The following AGBL4 variants were observed in gnomAD, a reference collection of about 807,000 sequenced individuals.
AGBL4 encodes cytosolic carboxypeptidase 6.
A neutral mutation model predicts 66.4 loss-of-function variants in AGBL4; 58 were observed. The ratio of observed to expected loss-of-function variants is 0.87; its 90% CI spans 0.71 to 1.09. The LOEUF (loss-of-function observed/expected upper bound fraction) is 1.09, where lower values mean the gene tolerates loss of function less well. Among genes scored for constraint, AGBL4 ranks in the 50% least tolerant of loss-of-function variants. AGBL4 has a pLI of 0.00. For missense variants in AGBL4, 579 were observed against 631.0 expected (o/e 0.92, Z 0.88); for synonymous variants, 234 against 222.9 (o/e 1.05, Z -0.44).
chr1:48,931,084 C>T (rs1357551544), intron 5 of AGBL4, among the ~76,000 whole-genome samples: 1 of 152,140 alleles, frequency 6.6e-6, no homozygotes, highest in Non-Finnish European at 1.5e-5. Context: ...AACTTAAGTG[C>T]CATCTCAATG....
chr1:49,237,650 C>T (rs1650893763), intron 4 of AGBL4, among the ~76,000 whole-genome samples: 1 of 149,302 alleles, frequency 6.7e-6, no homozygotes, highest in Non-Finnish European at 1.5e-5. Flanking sequence ...ATTTTAAGTC[C>T]CTTTACCTTT....
intron 4 of AGBL4, among the ~76,000 whole-genome samples, chr1:49,120,125 C>G (rs1219624389): frequency 6.6e-6 from 1 of 151,792 alleles, no homozygotes; most frequent in Non-Finnish European, 1.5e-5. Context: ...GGTCTTGACT[C>G]TATCCAATTT....
intron 4 of AGBL4, among the ~76,000 whole-genome samples, chr1:49,243,316 G>T (rs1651384882): frequency 6.6e-6 from 1 of 151,674 alleles, no homozygotes. Flanking sequence ...TTTCAGGTTT[G>T]AGTTAGGTCA....
At chr1:48,816,590 T>G in intron 6 of AGBL4, among the ~76,000 whole-genome samples, 1 of 152,136 alleles carries the variant, frequency 6.6e-6, no homozygotes, top group East Asian at 1.9e-4. Flanking sequence ...AACCCTCAGG[T>G]TTAAGGGTCA....
At chr1:48,564,767 C>T (rs1644449435) in intron 11 of AGBL4, among the ~76,000 whole-genome samples, 1 of 152,172 alleles carries the variant, frequency 6.6e-6, no homozygotes, top group South Asian at 2.1e-4. Context: ...CTCAACCAAC[C>T]AACCAACCAA....
chr1:49,864,614 T>C (rs1474140939), intron 1 of AGBL4, among the ~76,000 whole-genome samples: 2 of 152,118 alleles, frequency 1.3e-5, no homozygotes, highest in Non-Finnish European at 2.9e-5. Flanking sequence ...CAGGGAGTGG[T>C]TGTGCTACCC....
chr1:49,379,442 G>T (rs962194125), intron 3 of AGBL4, among the ~76,000 whole-genome samples: 11 of 152,160 alleles, frequency 7.2e-5, no homozygotes, highest in Non-Finnish European at 1.0e-4. Context: ...TAACACTGCT[G>T]CATCTTTCTT....
intron 3 of AGBL4, among the ~76,000 whole-genome samples, chr1:49,579,720 C>T (rs573406405): frequency 2.6e-5 from 4 of 152,100 alleles, no homozygotes; most frequent in Non-Finnish European, 5.9e-5. Context: ...AGGATGGTCT[C>T]GATCTCCTGA....
At chr1:49,004,473 C>A (rs935946414) in intron 5 of AGBL4, among the ~76,000 whole-genome samples, 3 of 152,160 alleles carry the variant, frequency 2.0e-5, no homozygotes, top group African/African-American at 7.2e-5. Context: ...AGCAGGTGCT[C>A]AATGAATATG....
intron 3 of AGBL4, among the ~76,000 whole-genome samples, chr1:49,549,805 C>T (rs1652810829): frequency 6.6e-6 from 1 of 152,042 alleles, no homozygotes; most frequent in African/African-American, 2.4e-5. Flanking sequence ...CCATTTGTTC[C>T]AAGGTATAGT....
At chr1:50,019,563 G>C (rs1474517900) in intron 1 of AGBL4, among the ~76,000 whole-genome samples, 4 of 151,746 alleles carry the variant, frequency 2.6e-5, no homozygotes, top group African/African-American at 9.7e-5. Flanking sequence ...TCAACATTCT[G>C]CCCATAATTG....
At chr1:49,314,297 T>C (rs987305740) in intron 3 of AGBL4, among the ~76,000 whole-genome samples, 2 of 152,052 alleles carry the variant, frequency 1.3e-5, no homozygotes, top group African/African-American at 2.4e-5. Context: ...GTTTGTTACA[T>C]AGGTATACAC....
At chr1:48,543,512 G>T (rs1191390471) in intron 11 of AGBL4, among the ~76,000 whole-genome samples, 1 of 152,098 alleles carries the variant, frequency 6.6e-6, no homozygotes, top group South Asian at 2.1e-4. Context: ...TGGTGGGAGG[G>T]GTCTTGGTAG....
chr1:49,858,788 G>A (rs1488408441), intron 1 of AGBL4, among the ~76,000 whole-genome samples: 3 of 152,076 alleles, frequency 2.0e-5, no homozygotes, highest in African/African-American at 2.4e-5. Flanking sequence ...AGGCTGAGGC[G>A]GCAGATCACC....
chr1:49,215,100 T>C (rs188220930), intron 4 of AGBL4, among the ~76,000 whole-genome samples: 2 of 152,140 alleles, frequency 1.3e-5, no homozygotes, highest in African/African-American at 2.4e-5. Flanking sequence ...TGATTTTTTT[T>C]GTCTCTCAGG....
chr1:48,754,658 A>G (rs1652260003), intron 6 of AGBL4, among the ~76,000 whole-genome samples: 1 of 152,174 alleles, frequency 6.6e-6, no homozygotes, highest in South Asian at 2.1e-4. Context: ...TATGCAAATT[A>G]CATATGCTTC....
At chr1:48,997,884 A>C (rs767785453) in intron 5 of AGBL4, among the ~76,000 whole-genome samples, 2 of 152,236 alleles carry the variant, frequency 1.3e-5, no homozygotes, top group African/African-American at 4.8e-5. Flanking sequence ...ATTGGTCACC[A>C]TCAAACTCTT....
At chr1:48,887,977 G>T (rs1050702786) in intron 5 of AGBL4, among the ~76,000 whole-genome samples, 2 of 152,116 alleles carry the variant, frequency 1.3e-5, no homozygotes, top group African/African-American at 4.8e-5. Flanking sequence ...AATTCCTCTT[G>T]GAGTTCATGG....
rs569915863 is a variant in AGBL4 at position 49,039,914 on chromosome 1, G to A, written c.594+5670C>T. On this transcript the variant is annotated intron_variant, in intron 5 of 13. Coordinates refer to ENST00000371839, the MANE Select transcript of AGBL4 (RefSeq NM_032785.4). ...AAAACACTGACAACACTAAATGCTG[G>A]CAAGGATTTGGTGCACAGGTACTGC... Among the ~76,000 whole-genome samples, 74 of 152,048 alleles carry A rather than the reference G, an allele frequency of 4.9e-4. No individual in the cohort carries two copies. In the Middle Eastern group the frequency reaches 0.01, roughly 21 times the overall value.
Sources: gnomAD v4.1 joint callset for allele counts (sites outside exome capture counted in the v4.1 genomes callset) on GRCh38, gnomAD v4.1.1 for gene constraint, MANE v1.5 for transcripts, NCBI Gene and HGNC (gene_info 2026-07-23, HGNC 2026-07-21) for gene names.